Variants in LINC00305 observed in about 807,000 individuals in gnomAD.
LINC00305 encodes long independently transcribed non-coding RNA 305, also known as long intergenic non-protein coding RNA 305.
At chr18:64,123,298 A>T (rs898050595) in intron 1 of LINC00305, among the ~76,000 whole-genome samples, 1 of 152,004 alleles carries the variant, frequency 6.6e-6, no homozygotes, top group Non-Finnish European at 1.5e-5. Flanking sequence ...TTTCATCTGG[A>T]TTGTAGTCAT....
At chr18:64,081,327 A>C (rs2849309) in intron 3 of LINC00305, among the ~76,000 whole-genome samples, 18,741 of 152,228 alleles carry the variant, frequency 0.12, 1,326 homozygotes, top group Non-Finnish European at 0.16. Flanking sequence ...ATTTCAATCT[A>C]AATCAAATCT....
intron 3 of LINC00305, among the ~76,000 whole-genome samples, chr18:64,096,628 G>C (rs1029101866): frequency 2.6e-5 from 4 of 151,796 alleles, no homozygotes; most frequent in Admixed American, 2.0e-4. Flanking sequence ...ATACAACAAA[G>C]TTAATTCTAG....
In LINC00305 at chr18:64,149,057, T is replaced by A. The variant is rs373837178; in HGVS notation, n.32A>T. 6 of 152,268 alleles carry A rather than the reference T, an allele frequency of 3.9e-5. No homozygotes were observed. The South Asian group carries it at 1.2e-3, about 32-fold the overall frequency. 9.4% of individuals were successfully genotyped at this position (152,268 alleles called of 1,614,324 possible). A position where few individuals can be genotyped will look rare whatever the true frequency, so the allele number is the denominator to read the frequency against. On this transcript the variant is annotated non_coding_transcript_exon_variant, in exon 1 of 4. Transcript: ENST00000666468. ...GACCAGCTCACAGGTGGGCTTCAGA[T>A]GGCTGTTGAACTGAAGTGGCAGGAA...
chr18:64,112,952 G>A (rs1286143426), intron 1 of LINC00305, among the ~76,000 whole-genome samples: 1 of 152,286 alleles, frequency 6.6e-6, no homozygotes, highest in East Asian at 1.9e-4. Flanking sequence ...CCTATATCCT[G>A]AGCCTTCTAC....
intron 3 of LINC00305, among the ~76,000 whole-genome samples, chr18:64,092,592 A>G (rs1263712746): frequency 6.6e-6 from 1 of 152,080 alleles, no homozygotes; most frequent in Non-Finnish European, 1.5e-5. Context: ...TTTGCTGACT[A>G]ATCTGATTCT....
intron 1 of LINC00305, among the ~76,000 whole-genome samples, chr18:64,127,610 G>C (rs2051391050): frequency 6.6e-6 from 1 of 152,062 alleles, no homozygotes; most frequent in East Asian, 1.9e-4. Context: ...TGTGTGAACA[G>C]AGAGTGCCTA....
At chr18:64,104,502 CTT>C (rs1377193332) in intron 1 of LINC00305, among the ~76,000 whole-genome samples, 1 of 152,238 alleles carries the variant, frequency 6.6e-6, no homozygotes, top group Non-Finnish European at 1.5e-5. Flanking sequence ...AATTACCATT[CTT>C]GCCTTCACGT....
intron 3 of LINC00305, among the ~76,000 whole-genome samples, chr18:64,092,560 TCAAA>T (rs554307271): frequency 1.3e-5 from 2 of 152,170 alleles, no homozygotes; most frequent in East Asian, 1.9e-4. Context: ...AGACTCTGTC[TCAAA>T]CAAACAAACA....
intron 3 of LINC00305, among the ~76,000 whole-genome samples, chr18:64,092,520 C>A (rs1235060386): frequency 1.3e-5 from 2 of 152,234 alleles, no homozygotes; most frequent in Non-Finnish European, 2.9e-5. Context: ...CGAGATCACA[C>A]CACTGCACTC....
chr18:64,128,755 C>T (rs1401841679), intron 1 of LINC00305, among the ~76,000 whole-genome samples: 1 of 152,102 alleles, frequency 6.6e-6, no homozygotes, highest in Non-Finnish European at 1.5e-5. Context: ...CATTCAGCCT[C>T]CTAAGTAACT....
rs528548560 is a variant in LINC00305 at position 64,145,695 on chromosome 18, C to A, written n.314+3080G>T. Among the ~76,000 whole-genome samples the A allele has an allele frequency of 3.1e-4, 47 of 152,278 alleles. No homozygotes were observed. The East Asian group carries it at 6.8e-3, about 22-fold the overall frequency. On this transcript the variant is annotated intron_variant and non_coding_transcript_variant, in intron 1 of 3. Transcript: ENST00000666468. ...CCTCCCAAAGTGCTGGGATTACAGG[C>A]ATGAGCCACCGCATCTGGCCAGAAC...
At chr18:64,089,022 A>C (rs900758969) in intron 3 of LINC00305, among the ~76,000 whole-genome samples, 1 of 152,192 alleles carries the variant, frequency 6.6e-6, no homozygotes, top group Non-Finnish European at 1.5e-5. Flanking sequence ...ACAGAAGGAT[A>C]GACTGTCAGG....
At chr18:64,126,278 A>G (rs1227143460) in intron 1 of LINC00305, among the ~76,000 whole-genome samples, 1 of 152,092 alleles carries the variant, frequency 6.6e-6, no homozygotes, top group East Asian at 1.9e-4. Context: ...TCTAGATGAT[A>G]GCATTATAAG....
chr18:64,089,105 C>A (rs1383729908), intron 3 of LINC00305, among the ~76,000 whole-genome samples: 1 of 152,200 alleles, frequency 6.6e-6, no homozygotes, highest in Non-Finnish European at 1.5e-5. Flanking sequence ...TGTGTCCCCA[C>A]TCAAATCTCA....
intron 1 of LINC00305, among the ~76,000 whole-genome samples, chr18:64,109,492 T>C (rs757757419): frequency 6.6e-5 from 10 of 152,212 alleles, no homozygotes; most frequent in Non-Finnish European, 1.0e-4. Context: ...CTTGAGTAAT[T>C]AAATGAAACA....
In LINC00305 at chr18:64,114,610, G is replaced by A. The variant is rs111828038; in HGVS notation, n.315-15970C>T. On this transcript the variant is annotated intron_variant and non_coding_transcript_variant, in intron 1 of 3. Transcript: ENST00000666468. ...ATCACCCAGGCTAGAGTGCAAGGCC[G>A]CGATCTTGGCTCACTTCAACCTCTG... 8.2e-3 allele frequency among the ~76,000 whole-genome samples: 1,251 copies of A among 152,284 alleles called. 15 individuals are homozygous for A. Among genetic ancestry groups the A allele is most frequent in the African/African-American group, 0.028 (1,180 of 41,546 alleles).
chr18:64,094,393 G>A (rs756975228), intron 3 of LINC00305, among the ~76,000 whole-genome samples: 2 of 152,142 alleles, frequency 1.3e-5, no homozygotes, highest in Non-Finnish European at 2.9e-5. Flanking sequence ...GAAGGGAGGG[G>A]TGAGGGTCGA....
At chr18:64,115,095 G>A (rs1415792065) in intron 1 of LINC00305, among the ~76,000 whole-genome samples, 1 of 152,192 alleles carries the variant, frequency 6.6e-6, no homozygotes, top group East Asian at 1.9e-4. Context: ...GAAAGGGAAA[G>A]CCGTGTGCTG....
chr18:64,145,172 G>A (rs576777523), intron 1 of LINC00305, among the ~76,000 whole-genome samples: 1 of 152,294 alleles, frequency 6.6e-6, no homozygotes, highest in South Asian at 2.1e-4. Flanking sequence ...ATTATGGAAA[G>A]ACTGCGTTTC....
Sources: gnomAD v4.1 joint callset for allele counts (sites outside exome capture counted in the v4.1 genomes callset) on GRCh38, gnomAD v4.1.1 for gene constraint, MANE v1.5 for transcripts, NCBI Gene and HGNC (gene_info 2026-07-23, HGNC 2026-07-21) for gene names.